The following STEAP1B variants were observed in gnomAD, a reference collection of about 807,000 sequenced individuals.
The protein encoded by STEAP1B is STEAP family protein MGC87042.
STEAP1B carries 13 observed loss-of-function variants against 27.9 expected under a neutral mutation model. The observed-to-expected ratio is 0.47, with a 90% CI of 0.30 to 0.74. The LOEUF is 0.74. Ranked by LOEUF, STEAP1B falls within the 30% of genes least tolerant of loss-of-function variation. STEAP1B has a pLI of 0.06. For synonymous variants in STEAP1B, 86 were observed against 107.1 expected (o/e 0.80, Z 1.22); for missense variants, 250 against 298.7 (o/e 0.84, Z 1.20).
chr7:22,440,960 A>AT lies in STEAP1B; in HGVS notation c.763-21125dup. 2.0e-5 allele frequency among the ~76,000 whole-genome samples: 3 copies of AT among 150,236 alleles called. No individual in the cohort carries two copies. The Middle Eastern group carries it at 0.011, about 537-fold the overall frequency. The stretch of plus-strand genomic sequence containing the variant: ...ATTTTAAAAAGTAGAATATTAAAAT[A>AT]TATGTTAAATTATATATTAAAATTT... On this transcript the variant is annotated intron_variant, in intron 4 of 4. Transcript: ENST00000678116.
At chr7:22,419,979 C>A in intron 4 of STEAP1B, 143 bp from the exon 5 acceptor site, 1 of 976,444 alleles carries the variant, frequency 1.0e-6, no homozygotes, top group South Asian at 2.0e-5. Flanking sequence ...CAGGGCAAAG[C>A]TAGGCCTAGA....
intron 4 of STEAP1B, among the ~76,000 whole-genome samples, chr7:22,484,314 G>A (rs977221786): frequency 6.6e-6 from 1 of 152,196 alleles, no homozygotes; most frequent in African/African-American, 2.4e-5. Flanking sequence ...GTAAGTGGAA[G>A]CGAATGCACA....
intron 4 of STEAP1B, among the ~76,000 whole-genome samples, chr7:22,483,781 G>A (rs1786127147): frequency 6.6e-6 from 1 of 152,158 alleles, no homozygotes; most frequent in African/African-American, 2.4e-5. Context: ...TTGGAATAGG[G>A]AGAGGCAGAG....
intron 4 of STEAP1B, among the ~76,000 whole-genome samples, chr7:22,451,297 AG>A (rs995124854): frequency 1.3e-5 from 1 of 75,386 alleles, no homozygotes; most frequent in African/African-American, 6.3e-5. Context: ...CAGTTTTAAT[AG>A]TTTTTTTTTT....
intron 4 of STEAP1B, among the ~76,000 whole-genome samples, chr7:22,456,972 A>ATATATATATATTTTTTTTTTTTTTTTTT: frequency 3.5e-5 from 2 of 57,074 alleles, no homozygotes; most frequent in Non-Finnish European, 6.6e-5. Context: ...ATATATATAT[A>ATATATATATATTTTTTTTTTTTTTTTTT]TTTTTTTTTT....
chr7:22,438,666 C>T (rs890331257), intron 4 of STEAP1B: 1 of 1,551,928 alleles, frequency 6.4e-7, no homozygotes, highest in Non-Finnish European at 8.7e-7. Context: ...GCTGCTCCTG[C>T]CAGAAATTTG....
chr7:22,463,340 T>A (rs1459379819), intron 4 of STEAP1B, among the ~76,000 whole-genome samples: 1 of 152,094 alleles, frequency 6.6e-6, no homozygotes, highest in Non-Finnish European at 1.5e-5. Flanking sequence ...TCCATGCTCA[T>A]GGGTAGGAAG....
At chr7:22,448,358 T>C (rs1002338235) in intron 4 of STEAP1B, among the ~76,000 whole-genome samples, 6 of 152,210 alleles carry the variant, frequency 3.9e-5, no homozygotes, top group African/African-American at 1.4e-4. Context: ...ATATTTATCA[T>C]CTAAAATTTT....
chr7:22,494,950 CAA>C, intron 1 of STEAP1B, 64 bp from the exon 2 acceptor site: 1 of 854,050 alleles, frequency 1.2e-6, no homozygotes, highest in Non-Finnish European at 1.7e-6. Context: ...TCTGATGTAA[CAA>C]TATAAAAAAT....
At chr7:22,482,151 G>A (rs998918983) in intron 4 of STEAP1B, among the ~76,000 whole-genome samples, 5 of 152,138 alleles carry the variant, frequency 3.3e-5, no homozygotes, top group Admixed American at 6.5e-5. Context: ...GAACAAAGGG[G>A]ACTGAGTGGC....
At chr7:22,472,779 C>A (rs1785906993) in intron 4 of STEAP1B, among the ~76,000 whole-genome samples, 1 of 152,176 alleles carries the variant, frequency 6.6e-6, no homozygotes, top group Admixed American at 6.5e-5. Flanking sequence ...CCCATCCTCC[C>A]CCTCCTTCCC....
intron 4 of STEAP1B, among the ~76,000 whole-genome samples, chr7:22,470,021 T>C (rs1583646852): frequency 1.3e-5 from 2 of 152,302 alleles, no homozygotes; most frequent in South Asian, 2.1e-4. Flanking sequence ...TTATTACATG[T>C]ACCTATATTA....
chr7:22,480,768 G>A lies in STEAP1B; in HGVS notation c.762+11797C>T, dbSNP rs74432107. On this transcript the variant is annotated intron_variant, in intron 4 of 4. Coordinates refer to ENST00000678116, the MANE Select transcript of STEAP1B (RefSeq NM_001382447.1). ...GCTTCAGGGTATGATGCTATCTCCC[G>A]TCAGAAACCATGATCTTTACTAGGT... Among the ~76,000 whole-genome samples the A allele has an allele frequency of 2.7e-3, 408 of 152,260 alleles. 4 individuals carry two copies. The highest frequency in any genetic ancestry group is 7.0e-3 in the African/African-American group (289 of 41,540).
At chr7:22,465,169 C>A (rs897532415) in intron 4 of STEAP1B, among the ~76,000 whole-genome samples, 1 of 151,540 alleles carries the variant, frequency 6.6e-6, no homozygotes, top group African/African-American at 2.4e-5. Context: ...AATATGGAAA[C>A]ATTGGACAAA....
chr7:22,424,175 G>A (rs1400302878), intron 4 of STEAP1B, among the ~76,000 whole-genome samples: 1 of 151,862 alleles, frequency 6.6e-6, no homozygotes, highest in Admixed American at 6.6e-5. Flanking sequence ...AATAACAAAG[G>A]GATGATAGAT....
chr7:22,485,408 T>A (rs542197192), intron 4 of STEAP1B, among the ~76,000 whole-genome samples: 1 of 152,340 alleles, frequency 6.6e-6, no homozygotes, highest in African/African-American at 2.4e-5. Context: ...TTTTTAGCAA[T>A]AAAGTATTTT....
intron 4 of STEAP1B, among the ~76,000 whole-genome samples, chr7:22,469,902 C>G (rs1785850816): frequency 2.0e-5 from 3 of 152,120 alleles, no homozygotes; most frequent in African/African-American, 4.8e-5. Flanking sequence ...AGAATAAACT[C>G]CAGTGCTGGA....
intron 4 of STEAP1B, among the ~76,000 whole-genome samples, chr7:22,489,299 G>A (rs143045496): frequency 1.3e-5 from 2 of 152,220 alleles, no homozygotes; most frequent in African/African-American, 4.8e-5. Context: ...ACATAATACG[G>A]TCAAAGCACC....
At chr7:22,492,851 T>C (rs1308412970) in intron 3 of STEAP1B, 122 bp from the exon 4 acceptor site, 10 of 1,413,180 alleles carry the variant, frequency 7.1e-6, no homozygotes, top group Non-Finnish European at 9.2e-6. Flanking sequence ...TCCACAAATT[T>C]ATGACTTTTT....
Sources: allele counts gnomAD v4.1 joint callset (sites outside exome capture counted in the v4.1 genomes callset), GRCh38; gene constraint gnomAD v4.1.1; transcripts MANE v1.5; gene names NCBI Gene and HGNC (gene_info 2026-07-23, HGNC 2026-07-21).